The following DNAH8 variants were observed in gnomAD, a reference collection of about 807,000 sequenced individuals.
DNAH8 encodes the protein axonemal beta dynein heavy chain 8.
In DNAH8, 382 loss-of-function variants were observed where a neutral mutation model predicts 562.1. The ratio of observed to expected loss-of-function variants is 0.68; its 90% confidence interval spans 0.63 to 0.74. DNAH8 has a LOEUF of 0.74. DNAH8 is among the 30% of genes least tolerant of loss of function. The probability of loss-of-function intolerance (pLI) is 0.00; values close to 1 mark genes in which losing one functional copy is unlikely to be tolerated. For missense variants in DNAH8, 5,203 were observed against 5,620.4 expected (o/e 0.93, Z 2.37); for synonymous variants, 1,881 against 1,919.4 (o/e 0.98, Z 0.52).
chr6:38,784,835 C>T (rs2127645603), intron 17 of DNAH8, among the ~76,000 whole-genome samples: 1 of 152,358 alleles, frequency 6.6e-6, no homozygotes, highest in Non-Finnish European at 1.5e-5. Context: ...GCTTCCAAAT[C>T]CGTTCTCTTA....
chr6:39,005,934 G>A (rs1561967473), intron 88 of DNAH8, among the ~76,000 whole-genome samples: 1 of 152,256 alleles, frequency 6.6e-6, no homozygotes, highest in African/African-American at 2.4e-5. Context: ...GGGCGGGAGG[G>A]ATTTGGCTTG....
Position 38,835,318 on chromosome 6 carries a change from CAAA to C in DNAH8, c.4365+691_4365+693del, listed in dbSNP as rs35817690. 8.9e-5 allele frequency among the ~76,000 whole-genome samples: 12 copies of C among 134,292 alleles called. No homozygotes were observed. In the South Asian group the frequency reaches 1.9e-3, roughly 21 times the overall value. 88.1% of individuals were successfully genotyped at this position (134,292 alleles called of 152,430 possible). A position where few individuals can be genotyped will look rare whatever the true frequency, so the allele number is the denominator to read the frequency against. On this transcript the variant is annotated intron_variant, in intron 32 of 92. Transcript: ENST00000327475. ...CTTTCCCACCTGCATTCTTAGTAAT[CAAA>C]AAAAAAAAAAAAAGATCAGATGCCT...
chr6:38,741,825 A>G lies in DNAH8; in HGVS notation c.1231A>G (p.Lys411Glu), dbSNP rs765524511. ...AKFNYIIEQI[K>E]GPSCKAVINV... ...GTTCAACTATATCATTGAGCAGATT[A>G]AAGGGCCAAGTTGTAAGGCTGTCAT... Residue 411 changes from lysine to glutamate, a missense_variant, in exon 8 of 93, where the codon AAA (lysine) becomes GAA (glutamate). By Grantham distance (56) the Lys-to-Glu change is moderately conservative. Coordinates refer to ENST00000327475, the MANE Select transcript of DNAH8 (RefSeq NM_001206927.2). The G allele has an allele frequency of 6.8e-6, 11 of 1,614,140 alleles. No individual in the cohort carries two copies. Among genetic ancestry groups the G allele is most frequent in the Non-Finnish European group, 9.3e-6 (11 of 1,179,968 alleles).
chr6:38,949,167 T>C (rs1761681717), intron 80 of DNAH8, among the ~76,000 whole-genome samples: 1 of 152,202 alleles, frequency 6.6e-6, no homozygotes, highest in African/African-American at 2.4e-5. Flanking sequence ...ATACCAAGCT[T>C]GAGAAACCTT....
chr6:38,935,012 T>A (rs1010555256), intron 76 of DNAH8, among the ~76,000 whole-genome samples: 3 of 152,200 alleles, frequency 2.0e-5, no homozygotes, highest in Non-Finnish European at 2.9e-5. Flanking sequence ...TCATTTTATG[T>A]AAGAAGAAAA....
intron 60 of DNAH8, among the ~76,000 whole-genome samples, chr6:38,897,221 G>A (rs1188947510): frequency 1.3e-5 from 2 of 152,074 alleles, no homozygotes; most frequent in East Asian, 3.9e-4. Context: ...GAATAATATT[G>A]TGTGACATGT....
intron 59 of DNAH8, 145 bp from the exon 60 acceptor site, chr6:38,895,888 C>T: frequency 1.6e-6 from 1 of 640,744 alleles, no homozygotes; most frequent in Non-Finnish European, 2.7e-6. Flanking sequence ...GGGGTTATGC[C>T]CTTCTTATCA....
chr6:38,897,666 G>A (rs562976886), intron 60 of DNAH8, among the ~76,000 whole-genome samples: 2 of 152,080 alleles, frequency 1.3e-5, no homozygotes, highest in African/African-American at 2.4e-5. Flanking sequence ...TGTAATACCC[G>A]CGACTTGGGG....
At chr6:38,734,394 A>G in intron 4 of DNAH8, 80 bp from the exon 5 acceptor site, 1 of 1,510,084 alleles carries the variant, frequency 6.6e-7, no homozygotes, top group Non-Finnish European at 8.8e-7. Flanking sequence ...AACAGGAAAC[A>G]ATAGTGTAAG....
At chr6:38,968,019 A>C (rs1763084960) in intron 82 of DNAH8, among the ~76,000 whole-genome samples, 1 of 152,178 alleles carries the variant, frequency 6.6e-6, no homozygotes, top group Non-Finnish European at 1.5e-5. Flanking sequence ...GTTCTCAACA[A>C]GGGTTCTAAG....
chr6:38,877,841 G>A (rs749282906), intron 53 of DNAH8, among the ~76,000 whole-genome samples: 1 of 152,220 alleles, frequency 6.6e-6, no homozygotes, highest in Non-Finnish European at 1.5e-5. Context: ...GACAAAATGT[G>A]TAAGACGGTT....
chr6:38,790,607 G>A (rs546001134), intron 20 of DNAH8, among the ~76,000 whole-genome samples: 3 of 152,046 alleles, frequency 2.0e-5, no homozygotes, highest in East Asian at 3.9e-4. Context: ...GATGGATCAC[G>A]AGGTCAGGAG....
intron 57 of DNAH8, among the ~76,000 whole-genome samples, chr6:38,887,509 G>A (rs989158446): frequency 1.3e-5 from 2 of 152,170 alleles, no homozygotes; most frequent in African/African-American, 4.8e-5. Flanking sequence ...GAGATCAAGA[G>A]CAGCCTGGGC....
chr6:38,798,262 G>C (rs1324735265), intron 21 of DNAH8, among the ~76,000 whole-genome samples: 1 of 152,128 alleles, frequency 6.6e-6, no homozygotes, highest in Non-Finnish European at 1.5e-5. Flanking sequence ...AAACCAGTAA[G>C]TTACACACTT....
In DNAH8 at chr6:38,722,969, G is replaced by A. The variant is rs541097237; in HGVS notation, c.160G>A (p.Ala54Thr). ...TGGTTTCTCTCCTTCCGCAGAAGAT[G>A]CTGTTTCTTCTGTGGTGGATTATCG... The part of the protein sequence containing the change: ...EDGFSPSAED[A>T]VSSVVDYRDL... Residue 54 changes from alanine to threonine, a missense_variant, in exon 2 of 93, where the codon GCT (alanine) becomes ACT (threonine). Around this residue, in one of 6 missense-constraint regions of DNAH8, gnomAD observed 556 missense variants for 496.9 expected, o/e 1.12. Transcript: ENST00000327475. 3 of 1,612,736 alleles carry A rather than the reference G, an allele frequency of 1.9e-6. No homozygotes were observed. Among genetic ancestry groups the A allele is most frequent in the South Asian group, 1.1e-5 (1 of 91,082 alleles).
intron 10 of DNAH8, among the ~76,000 whole-genome samples, chr6:38,757,518 T>C (rs1387424255): frequency 6.6e-6 from 1 of 152,160 alleles, no homozygotes; most frequent in Non-Finnish European, 1.5e-5. Flanking sequence ...AGAAGCTCTT[T>C]AGTTCAATTA....
In DNAH8 at chr6:38,938,868, A is replaced by G. The variant is rs545514096; in HGVS notation, c.11887A>G (p.Thr3963Ala). The change falls in exon 79 of 93, where the codon ACA becomes GCA. Residue 3963 changes from threonine to alanine, a missense_variant. Physicochemically the swap from Thr to Ala is moderately conservative, Grantham distance 58. Around this residue, in one of 6 missense-constraint regions of DNAH8, gnomAD observed 1,399 missense variants for 1,518.4 expected, o/e 0.92. Transcript: ENST00000327475. The stretch of plus-strand genomic sequence containing the variant: ...CGAGTACCTGACATATGAAGTTTTT[A>G]CATACTCTGTCAGAGGCCTATACGA... The part of the protein sequence containing the change: ...IIEYLTYEVF[T>A]YSVRGLYENH... The G allele has an allele frequency of 9.9e-6, 16 of 1,613,462 alleles. No individual in the cohort carries two copies. In the East Asian group the frequency reaches 3.1e-4, roughly 31 times the overall value.
intron 80 of DNAH8, among the ~76,000 whole-genome samples, chr6:38,949,126 C>G (rs143716088): frequency 2.0e-5 from 3 of 151,874 alleles, no homozygotes; most frequent in Admixed American, 1.3e-4. Context: ...CAGCACCCCC[C>G]ACAAAAAAAA....
intron 88 of DNAH8, among the ~76,000 whole-genome samples, chr6:39,008,316 A>T (rs1765932048): frequency 6.6e-6 from 1 of 152,054 alleles, no homozygotes; most frequent in Admixed American, 6.6e-5. Flanking sequence ...TTTCCCTGGA[A>T]ATCATAAAAC....
Sources: allele counts gnomAD v4.1 joint callset (sites outside exome capture counted in the v4.1 genomes callset), GRCh38; gene constraint gnomAD v4.1.1; regional missense constraint gnomAD v4.1.1; transcripts MANE v1.5; gene names NCBI Gene and HGNC (gene_info 2026-07-23, HGNC 2026-07-21).